RPH3A: variants seen among roughly 807,000 people sequenced by gnomAD.
The protein encoded by RPH3A is rabphilin-3A.
In RPH3A, 48 loss-of-function variants were observed where a neutral mutation model predicts 102.2. That is an observed-to-expected ratio of 0.47 (90% CI 0.37 to 0.60). The LOEUF (loss-of-function observed/expected upper bound fraction) is 0.60. Ranked by LOEUF, RPH3A falls within the 20% of genes least tolerant of loss-of-function variation. RPH3A has a pLI of 0.00. For missense variants in RPH3A, 781 were observed against 910.1 expected (o/e 0.86, Z 1.83); for synonymous variants, 310 against 324.3 (o/e 0.96, Z 0.47).
At chr12:112,645,125 G>T (rs901345197) in intron 1 of RPH3A, among the ~76,000 whole-genome samples, 10 of 152,130 alleles carry the variant, frequency 6.6e-5, no homozygotes, top group African/African-American at 1.9e-4. Context: ...CGTGAGAGTT[G>T]TTCAAAAAAA....
At chr12:112,792,657 C>T (rs1224165385) in intron 2 of RPH3A, among the ~76,000 whole-genome samples, 1 of 152,178 alleles carries the variant, frequency 6.6e-6, no homozygotes, top group Admixed American at 6.5e-5. Context: ...CAAGTGAGTG[C>T]TTATCCCTGG....
chr12:112,894,449 C>G (rs1247420296), intron 19 of RPH3A, 129 bp from the exon 20 acceptor site: 2 of 815,776 alleles, frequency 2.5e-6, no homozygotes, highest in Non-Finnish European at 4.0e-6. Flanking sequence ...GCATATTGGT[C>G]ATTATCAATG....
In RPH3A at chr12:112,681,662, A is replaced by AG. The variant is rs745381198; in HGVS notation, c.-140+106350dup. On this transcript the variant is annotated intron_variant, in intron 1 of 21. Transcript: ENST00000543106. Reference sequence around the variant, plus strand: ...ATTTTAGTGAATAATGACTTTTTTGAGGGGGGGCTTAAAGTGAAATATATT... The same window carrying AG: ...ATTTTAGTGAATAATGACTTTTTTGAGGGGGGGGCTTAAAGTGAAATATATT... Among the ~76,000 whole-genome samples, 370 of 152,104 alleles carry AG rather than the reference A, an allele frequency of 2.4e-3. 1 individual carries two copies. The highest frequency in any genetic ancestry group is 2.2e-3 in the Non-Finnish European group (152 of 67,976).
At chr12:112,737,286 CTGTT>C (rs1260007444) in intron 1 of RPH3A, among the ~76,000 whole-genome samples, 1 of 151,816 alleles carries the variant, frequency 6.6e-6, no homozygotes, top group Admixed American at 6.6e-5. Context: ...GTGGACCAGA[CTGTT>C]TGAGTTGGAA....
chr12:112,678,858 C>T (rs946538200), intron 1 of RPH3A, among the ~76,000 whole-genome samples: 6 of 152,120 alleles, frequency 3.9e-5, no homozygotes, highest in Non-Finnish European at 8.8e-5. Context: ...TGCAATTCTG[C>T]GTGACAGATT....
At chr12:112,631,369 G>C (rs7971590) in intron 1 of RPH3A, among the ~76,000 whole-genome samples, 133,260 of 152,188 alleles carry the variant, frequency 0.88, 58,593 homozygotes, top group East Asian at 0.98. Flanking sequence ...CCTTGGAGAA[G>C]AAGGAATGGA....
At chr12:112,653,946 C>T (rs1269134111) in intron 1 of RPH3A, among the ~76,000 whole-genome samples, 4 of 152,126 alleles carry the variant, frequency 2.6e-5, no homozygotes, top group Non-Finnish European at 5.9e-5. Context: ...CACACATTAG[C>T]CTAGGCCTAC....
chr12:112,893,928 C>G (rs2043139681), intron 19 of RPH3A: 1 of 152,544 alleles, frequency 6.6e-6, no homozygotes, highest in Non-Finnish European at 1.5e-5. Context: ...CTCAAAGGCC[C>G]TTGGGTGGAA....
chr12:112,778,759 C>A (rs1013705479), intron 1 of RPH3A, among the ~76,000 whole-genome samples: 3 of 152,154 alleles, frequency 2.0e-5, no homozygotes, highest in Non-Finnish European at 4.4e-5. Context: ...AACTTAGCAA[C>A]CCTGATGAAA....
chr12:112,858,443 T>A (rs2042450479), intron 5 of RPH3A, among the ~76,000 whole-genome samples: 1 of 152,032 alleles, frequency 6.6e-6, no homozygotes, highest in Non-Finnish European at 1.5e-5. Flanking sequence ...TCTCCCACCA[T>A]TCAGCCTCCC....
rs1012952690 is a variant in RPH3A, at chr12:112,755,152, G to T, written c.-139-36991G>T. ...TCACCTGATTTTTAAAATATCAAAA[G>T]GTATACAGTGGAATGTCTTCCTCCT... On this transcript the variant is annotated intron_variant, in intron 1 of 21. Coordinates refer to the RPH3A transcript ENST00000543106. Among the ~76,000 whole-genome samples, 9 of 152,104 alleles carry T rather than the reference G, an allele frequency of 5.9e-5. No homozygotes were observed. The South Asian group carries it at 8.3e-4, about 14-fold the overall frequency.
At chr12:112,861,968 G>A (rs973674948) in intron 5 of RPH3A, among the ~76,000 whole-genome samples, 3 of 134,004 alleles carry the variant, frequency 2.2e-5, no homozygotes, top group Admixed American at 1.7e-4. Context: ...AGCCGAGATC[G>A]CACCACTGCA....
At chr12:112,661,025 C>T (rs1478460218) in intron 1 of RPH3A, among the ~76,000 whole-genome samples, 2 of 152,134 alleles carry the variant, frequency 1.3e-5, no homozygotes, top group South Asian at 2.1e-4. Context: ...CACTTCTGGC[C>T]TCATAGAGGC....
intron 7 of RPH3A, chr12:112,868,209 A>C: frequency 2.0e-6 from 1 of 498,618 alleles, no homozygotes; most frequent in East Asian, 3.0e-5. Flanking sequence ...TCCAAACTCC[A>C]CTTTCTTCAT....
chr12:112,636,647 G>A (rs922410533), intron 1 of RPH3A, among the ~76,000 whole-genome samples: 6 of 152,122 alleles, frequency 3.9e-5, no homozygotes, highest in African/African-American at 1.4e-4. Flanking sequence ...GAAAACAGAG[G>A]TTGGGAGATA....
At chr12:112,711,226 C>T (rs2040459003) in intron 1 of RPH3A, among the ~76,000 whole-genome samples, 1 of 152,110 alleles carries the variant, frequency 6.6e-6, no homozygotes, top group African/African-American at 2.4e-5. Context: ...AGAACAGTGG[C>T]AGGGGCAGGG....
chr12:112,739,572 G>A (rs2040693854), intron 1 of RPH3A, among the ~76,000 whole-genome samples: 3 of 152,174 alleles, frequency 2.0e-5, no homozygotes. Flanking sequence ...TTTAGAGTTG[G>A]CTGTTACATT....
rs1239832214 is a variant in RPH3A at position 112,847,925 on chromosome 12, C to T, written c.230+83C>T. The T allele has an allele frequency of 2.1e-5, 31 of 1,496,982 alleles. No individual in the cohort carries two copies. In the East Asian group the frequency reaches 5.0e-4, roughly 24 times the overall value. The allele number at this position is 1,496,982 out of a possible 1,614,324, so 92.7% of individuals were successfully genotyped here. A position where few individuals can be genotyped will look rare whatever the true frequency, so the allele number is the denominator to read the frequency against. ...GCTGGAGCAGGGCTTTGGCCTCAAA[C>T]GGGGTGTGCTGGGCTGCCTCTGGGC... On this transcript the variant is annotated intron_variant, in intron 5 of 21. Coordinates refer to ENST00000389385, the MANE Select transcript of RPH3A (RefSeq NM_001143854.2).
upstream of RPH3A, among the ~76,000 whole-genome samples, chr12:112,790,911 C>G (rs2041092707): frequency 6.6e-6 from 1 of 152,164 alleles, no homozygotes; most frequent in South Asian, 2.1e-4. Flanking sequence ...GGTTATGGAC[C>G]ATGAAATCAT....
Sources: gnomAD v4.1 joint callset for allele counts (sites outside exome capture counted in the v4.1 genomes callset) on GRCh38, gnomAD v4.1.1 for gene constraint, MANE v1.5 for transcripts, NCBI Gene and HGNC (gene_info 2026-07-23, HGNC 2026-07-21) for gene names.